Variants in NFIB observed in about 807,000 individuals in gnomAD.
NFIB encodes nuclear factor 1 B-type.
In NFIB, 11 loss-of-function variants were observed where a neutral mutation model predicts 61.5. The ratio of observed to expected loss-of-function variants is 0.18; its 90% confidence interval spans 0.11 to 0.30. NFIB has a LOEUF of 0.30. Ranked by LOEUF, NFIB falls within the 10% of genes least tolerant of loss-of-function variation. The pLI is 1.00. For missense variants in NFIB, 471 were observed against 608.9 expected, an observed-to-expected ratio of 0.77 and a Z score of 2.38; for synonymous variants, 260 against 216.5, an observed-to-expected ratio of 1.20 and a Z score of -1.76.
chr9:14,523,259 AC>A, the NFIB span, among the ~76,000 whole-genome samples: 1 of 152,144 alleles, frequency 6.6e-6, no homozygotes, highest in Non-Finnish European at 1.5e-5. Context: ...TTTCATGCAG[AC>A]ACCAACTTAC....
At chr9:14,130,517 G>T (rs1439988950) in intron 6 of NFIB, among the ~76,000 whole-genome samples, 1 of 152,022 alleles carries the variant, frequency 6.6e-6, no homozygotes, top group African/African-American at 2.4e-5. Context: ...TCTTTTGTTT[G>T]TATCTTATAT....
chr9:14,481,197 GTATATATATATATA>G, the NFIB span, among the ~76,000 whole-genome samples: 113 of 45,808 alleles, frequency 2.5e-3, 3 homozygotes, highest in South Asian at 0.015. Context: ...GTGTGTGTGT[GTATATATATATATA>G]TATATATATA....
chr9:14,487,379 G>A, the NFIB span, among the ~76,000 whole-genome samples: 4 of 152,184 alleles, frequency 2.6e-5, no homozygotes, highest in Non-Finnish European at 5.9e-5. Flanking sequence ...CATGTAACTG[G>A]CAGAGAGAAA....
chr9:14,385,895 G>A (rs1588405509), intron 1 of NFIB, among the ~76,000 whole-genome samples: 1 of 150,778 alleles, frequency 6.6e-6, no homozygotes, highest in East Asian at 2.0e-4. Flanking sequence ...TGATTCTCCT[G>A]TCTCAGCCTT....
At chr9:14,147,129 G>A (rs188212291) in intron 5 of NFIB, among the ~76,000 whole-genome samples, 10 of 152,172 alleles carry the variant, frequency 6.6e-5, no homozygotes, top group African/African-American at 1.9e-4. Context: ...CATTAAAATT[G>A]TGTTATTGTG....
At chr9:14,206,695 CAAAAAAAAAAA>C (rs889983433) in intron 2 of NFIB, among the ~76,000 whole-genome samples, 1,994 of 71,352 alleles carry the variant, frequency 0.028, 25 homozygotes, top group Middle Eastern at 0.083. Flanking sequence ...ACATGCTTTA[CAAAAAAAAAAA>C]AAAAAAAAAA....
the NFIB span, among the ~76,000 whole-genome samples, chr9:14,448,571 G>C: frequency 8.1e-4 from 123 of 152,276 alleles, no homozygotes; most frequent in African/African-American, 2.9e-3. Context: ...TCTATCAAAG[G>C]ATTTTAATGA....
At chr9:14,179,701 G>T (rs752082509) in intron 3 of NFIB, 26 bp downstream of exon 3, 4 of 1,612,112 alleles carry the variant, frequency 2.5e-6, no homozygotes, top group Non-Finnish European at 3.4e-6. Context: ...ATGTCAGATT[G>T]CAAATGTCCT....
At chr9:14,326,629 T>C (rs1296557672) in intron 1 of NFIB, among the ~76,000 whole-genome samples, 2 of 141,682 alleles carry the variant, frequency 1.4e-5, no homozygotes, top group Non-Finnish European at 3.0e-5. Context: ...ACAAGCTAAA[T>C]AGAGACAGAC....
At chr9:14,285,941 G>GT (rs2058681619) in intron 2 of NFIB, among the ~76,000 whole-genome samples, 2 of 152,116 alleles carry the variant, frequency 1.3e-5, no homozygotes, top group Admixed American at 6.5e-5. Flanking sequence ...AAGTTATACA[G>GT]TTAAAAAATG....
intron 2 of NFIB, among the ~76,000 whole-genome samples, chr9:14,212,620 G>C (rs942769064): frequency 1.4e-5 from 2 of 144,882 alleles, no homozygotes; most frequent in Non-Finnish European, 3.0e-5. Context: ...CATCTCAAAA[G>C]GTTATAATTC....
chr9:14,298,179 T>C (rs2059551618), intron 2 of NFIB, among the ~76,000 whole-genome samples: 1 of 152,184 alleles, frequency 6.6e-6, no homozygotes, highest in Non-Finnish European at 1.5e-5. Flanking sequence ...TTAACTCATT[T>C]GTAAAGAAAA....
intron 3 of NFIB, among the ~76,000 whole-genome samples, chr9:14,157,369 G>A (rs1050917335): frequency 1.5e-4 from 23 of 152,272 alleles, no homozygotes; most frequent in Admixed American, 5.2e-4. Flanking sequence ...TTTCACTGCT[G>A]TGAACTGAGG....
At chr9:14,293,802 T>C (rs553762846) in intron 2 of NFIB, among the ~76,000 whole-genome samples, 4 of 152,308 alleles carry the variant, frequency 2.6e-5, no homozygotes, top group South Asian at 2.1e-4. Flanking sequence ...ATTGCATATA[T>C]CTGGTATGTC....
chr9:14,458,022 C>G, the NFIB span, among the ~76,000 whole-genome samples: 1 of 152,158 alleles, frequency 6.6e-6, no homozygotes, highest in Non-Finnish European at 1.5e-5. Flanking sequence ...CTTTATGAGG[C>G]CAGCATCATC....
chr9:14,360,698 A>C (rs1318262651), intron 1 of NFIB, among the ~76,000 whole-genome samples: 5 of 151,922 alleles, frequency 3.3e-5, no homozygotes, highest in Admixed American at 6.5e-5. Context: ...GCGCCCGCCA[A>C]TACGCCCGGC....
the NFIB span, among the ~76,000 whole-genome samples, chr9:14,420,445 C>CAAAAAAAAAAAAAAAAAAAAAA: frequency 8.5e-4 from 36 of 42,424 alleles, 2 homozygotes; most frequent in African/African-American, 1.6e-3. Flanking sequence ...GACTCCGTCT[C>CAAAAAAAAAAAAAAAAAAAAAA]AAAAAAAAAA....
At chr9:14,277,977 T>C (rs996223448) in intron 2 of NFIB, among the ~76,000 whole-genome samples, 1 of 152,206 alleles carries the variant, frequency 6.6e-6, no homozygotes, top group Non-Finnish European at 1.5e-5. Context: ...CTGTCTCCTG[T>C]GATGATCTCT....
the NFIB span, among the ~76,000 whole-genome samples, chr9:14,449,277 C>A: frequency 6.6e-6 from 1 of 152,156 alleles, no homozygotes; most frequent in Non-Finnish European, 1.5e-5. Context: ...ATGCTTCAAG[C>A]GGTGATTCTC....
Sources: allele counts gnomAD v4.1 joint callset (sites outside exome capture counted in the v4.1 genomes callset), GRCh38; gene constraint gnomAD v4.1.1; transcripts MANE v1.5; gene names NCBI Gene and HGNC (gene_info 2026-07-23, HGNC 2026-07-21).